Variants in CCDC82 observed in about 807,000 individuals in gnomAD.
CCDC82 encodes coiled-coil domain-containing protein 82.
Under a neutral mutation model 60.6 loss-of-function variants are expected in CCDC82, and 47 were observed. The ratio of observed to expected loss-of-function variants is 0.77; its 90% confidence interval spans 0.61 to 0.99. The LOEUF (loss-of-function observed/expected upper bound fraction) is 0.99, where lower values mean the gene tolerates loss of function less well. Ranked by LOEUF, CCDC82 falls within the 50% of genes least tolerant of loss-of-function variation. The pLI, the probability that CCDC82 is intolerant of heterozygous loss-of-function variation, is 0.00. For synonymous variants in CCDC82, 212 were observed against 207.4 expected (o/e 1.02, Z -0.19); for missense variants, 588 against 633.0 (o/e 0.93, Z 0.76).
intron 7 of CCDC82, among the ~76,000 whole-genome samples, chr11:96,366,625 G>A (rs569030355): frequency 2.4e-4 from 37 of 152,274 alleles, no homozygotes; most frequent in Admixed American, 9.8e-4. Flanking sequence ...CCACAGTGGC[G>A]CGTGCCTGTA....
chr11:96,384,496 C>T lies in CCDC82; in HGVS notation c.252G>A (p.Glu84=). ...DCNKTPGSER[E]LNLSKIQSEG... Reference sequence around the variant, plus strand: ...CACTTTGAATTTTACTTAAGTTGAGCTCTCTTTCACTTCCTGGTGTTTTAT... The same window carrying T: ...CACTTTGAATTTTACTTAAGTTGAGTTCTCTTTCACTTCCTGGTGTTTTAT... Residue 84 remains glutamate, a synonymous_variant, in exon 4 of 10, where the codon GAG becomes GAA. Coordinates refer to ENST00000646818, the MANE Select transcript of CCDC82 (RefSeq NM_024725.4). 1 of 1,613,744 alleles carries T rather than the reference C, an allele frequency of 6.2e-7. No homozygotes were observed. Among genetic ancestry groups the T allele is most frequent in the Non-Finnish European group, 8.5e-7 (1 of 1,179,768 alleles).
rs572639014 is a variant in CCDC82, at chr11:96,384,579, T to C, written c.169A>G (p.Ser57Gly). ...EEFDSDEELDSDESFENDEEL... is the reference protein window; with the variant it reads ...EEFDSDEELDGDESFENDEEL... Reference sequence around the variant, plus strand: ...TCATCATTTTCAAAACTTTCATCACTATCAAGCTCTTCATCACTATCAAAT... The same window carrying C: ...TCATCATTTTCAAAACTTTCATCACCATCAAGCTCTTCATCACTATCAAAT... Residue 57 changes from serine to glycine, a missense_variant, in exon 4 of 10, where the codon AGT becomes GGT. Physicochemically the swap from Ser to Gly is moderately conservative, Grantham distance 56 (BLOSUM62 0). Transcript: ENST00000646818. The C allele has an allele frequency of 6.2e-7, 1 of 1,613,608 alleles. No homozygotes were observed. Among genetic ancestry groups the C allele is most frequent in the African/African-American group, 1.3e-5 (1 of 75,024 alleles).
chr11:96,382,087 T>C (rs1203443171), intron 5 of CCDC82: 2 of 151,894 alleles, frequency 1.3e-5, no homozygotes, highest in South Asian at 2.1e-4. Flanking sequence ...AAATGGAAAG[T>C]GCATAAAAAG....
chr11:96,358,666 CAAA>C (rs58477850), intron 9 of CCDC82: 3,620 of 1,074,814 alleles, frequency 3.4e-3, no homozygotes, highest in South Asian at 4.9e-3. Flanking sequence ...TATACTCTGT[CAAA>C]AAAAAAAAAA....
chr11:96,356,645 T>C (rs1450208369), intron 9 of CCDC82: 6 of 955,376 alleles, frequency 6.3e-6, no homozygotes, highest in African/African-American at 3.5e-5. Context: ...CATGCATTAT[T>C]ATGTTTATTA....
chr11:96,369,600 G>A (rs1865150696), intron 7 of CCDC82, among the ~76,000 whole-genome samples: 2 of 152,116 alleles, frequency 1.3e-5, no homozygotes, highest in African/African-American at 4.8e-5. Context: ...ATATGGGCAT[G>A]GTTTCTGTCA....
chr11:96,374,864 A>G (rs1161965204), intron 5 of CCDC82, among the ~76,000 whole-genome samples: 1 of 152,104 alleles, frequency 6.6e-6, no homozygotes, highest in African/African-American at 2.4e-5. Context: ...TATTAGATAG[A>G]TTTGTCTAAT....
intron 5 of CCDC82, chr11:96,382,482 A>G (rs961875738): frequency 6.6e-6 from 1 of 151,780 alleles, no homozygotes; most frequent in African/African-American, 2.4e-5. Context: ...AAATATGTCA[A>G]TATTTTGGAG....
intron 7 of CCDC82, among the ~76,000 whole-genome samples, chr11:96,366,725 C>T (rs1372561493): frequency 6.6e-6 from 1 of 152,054 alleles, no homozygotes; most frequent in Non-Finnish European, 1.5e-5. Context: ...CCCTCTATTC[C>T]CTCCAAAAAT....
At chr11:96,381,728 T>C (rs1865886271) in intron 5 of CCDC82, 1 of 151,838 alleles carries the variant, frequency 6.6e-6, no homozygotes, top group Non-Finnish European at 1.5e-5. Flanking sequence ...AAAAGTCTGA[T>C]AAAACCAATG....
At chr11:96,386,044 C>G (rs866962243) in intron 3 of CCDC82, 1 of 152,112 alleles carries the variant, frequency 6.6e-6, no homozygotes, top group South Asian at 2.1e-4. Flanking sequence ...AATAATCACA[C>G]TTCATTTTTT....
At chr11:96,386,912 A>G (rs997604255) in intron 2 of CCDC82, 3 of 152,226 alleles carry the variant, frequency 2.0e-5, no homozygotes, top group African/African-American at 7.2e-5. Context: ...ACTGCGTTAC[A>G]ATACGTCCAC....
intron 6 of CCDC82, among the ~76,000 whole-genome samples, chr11:96,372,520 A>G (rs1865325690): frequency 6.6e-6 from 1 of 151,170 alleles, no homozygotes; most frequent in Non-Finnish European, 1.5e-5. Context: ...TATTTGTTCA[A>G]TATATTGTAA....
intron 7 of CCDC82, among the ~76,000 whole-genome samples, chr11:96,368,108 C>CCA (rs1865048702): frequency 1.3e-5 from 2 of 152,082 alleles, no homozygotes; most frequent in South Asian, 4.2e-4. Context: ...GCCTGAGCCA[C>CCA]CACACCTGGC....
intron 9 of CCDC82, chr11:96,358,087 G>C (rs879462852): frequency 1.0e-6 from 1 of 985,228 alleles, no homozygotes; most frequent in Middle Eastern, 5.2e-4. Context: ...CTTTCCATCT[G>C]CCTAAGCTCT....
At chr11:96,378,545 T>C (rs927230336) in intron 5 of CCDC82, among the ~76,000 whole-genome samples, 13 of 151,988 alleles carry the variant, frequency 8.6e-5, no homozygotes, top group African/African-American at 3.1e-4. Flanking sequence ...AATTAGTAGA[T>C]GGAGACTAAG....
At chr11:96,362,814 G>T (rs1488063647) in intron 8 of CCDC82, among the ~76,000 whole-genome samples, 1 of 152,132 alleles carries the variant, frequency 6.6e-6, no homozygotes, top group Non-Finnish European at 1.5e-5. Context: ...TTGCTGTTAA[G>T]TGAATTCCTT....
chr11:96,361,015 T>A (rs1864635568), intron 8 of CCDC82, among the ~76,000 whole-genome samples: 1 of 152,232 alleles, frequency 6.6e-6, no homozygotes, highest in African/African-American at 2.4e-5. Context: ...CTTATTAAAA[T>A]TAACTTTTCC....
chr11:96,377,098 T>C (rs938922401), intron 5 of CCDC82, among the ~76,000 whole-genome samples: 4 of 152,188 alleles, frequency 2.6e-5, no homozygotes, highest in South Asian at 2.1e-4. Context: ...GGTAAAAGCA[T>C]GTAGATTTTT....
Sources: gnomAD v4.1 joint callset for allele counts (sites outside exome capture counted in the v4.1 genomes callset) on GRCh38, gnomAD v4.1.1 for gene constraint, MANE v1.5 for transcripts, NCBI Gene and HGNC (gene_info 2026-07-23, HGNC 2026-07-21) for gene names.